DCLK1: variants seen among roughly 807,000 people sequenced by gnomAD.
DCLK1 encodes the protein doublecortin like kinase 1.
In DCLK1, 16 loss-of-function variants were observed where a neutral mutation model predicts 86.2. The observed-to-expected ratio is 0.19, with a 90% CI of 0.13 to 0.28. The LOEUF (loss-of-function observed/expected upper bound fraction) is 0.28, where lower values mean the gene tolerates loss of function less well. Ranked by LOEUF, DCLK1 falls within the 10% of genes least tolerant of loss-of-function variation. The pLI is 1.00. For synonymous variants in DCLK1, 369 were observed against 370.5 expected (o/e 1.00, Z 0.05); for missense variants, 590 against 940.2 (o/e 0.63, Z 4.87).
chr13:36,056,078 A>G (rs1444191121), intron 3 of DCLK1, among the ~76,000 whole-genome samples: 1 of 143,056 alleles, frequency 7.0e-6, no homozygotes, highest in Non-Finnish European at 1.5e-5. Flanking sequence ...GGGATCTAGA[A>G]CTAGAAATAC....
chr13:35,895,800 C>T (rs1047539794), intron 4 of DCLK1, among the ~76,000 whole-genome samples: 9 of 150,504 alleles, frequency 6.0e-5, no homozygotes, highest in African/African-American at 1.7e-4. Flanking sequence ...TGAGAGTAAA[C>T]GCTCTTTTAG....
chr13:35,849,418 AC>A (rs1870445638), intron 6 of DCLK1: 1 of 985,240 alleles, frequency 1.0e-6, no homozygotes, highest in African/African-American at 1.7e-5. Context: ...TTTATCACCT[AC>A]TGAGATATGT....
intron 13 of DCLK1, 127 bp from the exon 14 acceptor site, chr13:35,808,447 C>T (rs1035867500): frequency 8.3e-6 from 7 of 840,578 alleles, no homozygotes; most frequent in Middle Eastern, 2.3e-4. Context: ...TATTTTTAAT[C>T]GATTGAAAAA....
chr13:36,096,079 T>C (rs997841882), intron 3 of DCLK1, among the ~76,000 whole-genome samples: 1 of 152,220 alleles, frequency 6.6e-6, no homozygotes, highest in African/African-American at 2.4e-5. Context: ...TTTTTGTATG[T>C]AATTTTCTTT....
At chr13:35,861,073 T>C (rs750658880) in intron 5 of DCLK1, among the ~76,000 whole-genome samples, 6 of 152,130 alleles carry the variant, frequency 3.9e-5, no homozygotes, top group Non-Finnish European at 8.8e-5. Flanking sequence ...AGACTTTATT[T>C]GGCACACAAC....
Position 36,041,196 on chromosome 13 carries a change from A to C in DCLK1, c.723+70673T>G, listed in dbSNP as rs1882691692. Among the ~76,000 whole-genome samples, 3 of 152,172 alleles carry C rather than the reference A, an allele frequency of 2.0e-5. No homozygotes were observed. In the South Asian group the frequency reaches 6.2e-4, roughly 32 times the overall value. Reference sequence around the variant, plus strand: ...CTGAAAAATATTTCTATATGTAACCATCTGTGTCTATACTAAACTAAACCT... The same window carrying C: ...CTGAAAAATATTTCTATATGTAACCCTCTGTGTCTATACTAAACTAAACCT... On this transcript the variant is annotated intron_variant, in intron 3 of 16. Coordinates refer to ENST00000360631, the MANE Select transcript of DCLK1 (RefSeq NM_001330071.2).
intron 16 of DCLK1, among the ~76,000 whole-genome samples, chr13:35,782,751 A>G (rs1158338804): frequency 1.3e-5 from 2 of 152,234 alleles, no homozygotes; most frequent in African/African-American, 4.8e-5. Flanking sequence ...CATAGTTTTT[A>G]ACAAGCCCTA....
At chr13:36,105,690 A>G (rs1016263854) in intron 3 of DCLK1, among the ~76,000 whole-genome samples, 5 of 152,224 alleles carry the variant, frequency 3.3e-5, no homozygotes, top group African/African-American at 1.2e-4. Flanking sequence ...ATATACAGAA[A>G]TTTTAAACTT....
At chr13:35,941,399 T>C (rs2153131815) in intron 4 of DCLK1, among the ~76,000 whole-genome samples, 1 of 152,250 alleles carries the variant, frequency 6.6e-6, no homozygotes, top group South Asian at 2.1e-4. Flanking sequence ...ACCAAGCAGA[T>C]CTTGGGTACC....
chr13:35,861,030 A>C (rs77961528), intron 5 of DCLK1, among the ~76,000 whole-genome samples: 23,779 of 152,196 alleles, frequency 0.16, 1,871 homozygotes, highest in Non-Finnish European at 0.17. Flanking sequence ...ACATGAGTGG[A>C]AAGGAAGATG....
chr13:35,992,223 G>A (rs189131914), intron 3 of DCLK1, among the ~76,000 whole-genome samples: 3 of 152,230 alleles, frequency 2.0e-5, no homozygotes, highest in Non-Finnish European at 2.9e-5. Context: ...GTTTTGAAAC[G>A]CAAAGTAGTC....
chr13:36,003,019 G>T (rs1880787509), intron 3 of DCLK1, among the ~76,000 whole-genome samples: 1 of 152,262 alleles, frequency 6.6e-6, no homozygotes, highest in Non-Finnish European at 1.5e-5. Flanking sequence ...AGGGATCCCA[G>T]GCAGATCTAG....
At chr13:35,849,405 T>A (rs1870444459) in intron 6 of DCLK1, 2 of 985,354 alleles carry the variant, frequency 2.0e-6, no homozygotes, top group Non-Finnish European at 1.2e-6. Flanking sequence ...CAAACATTTT[T>A]AATTTATCAC....
At chr13:35,916,220 C>T (rs1252808768) in intron 4 of DCLK1, among the ~76,000 whole-genome samples, 2 of 152,156 alleles carry the variant, frequency 1.3e-5, no homozygotes, top group African/African-American at 4.8e-5. Context: ...CCATAAATAA[C>T]GTTTGCATTT....
At chr13:35,921,941 C>T (rs954308241) in intron 4 of DCLK1, among the ~76,000 whole-genome samples, 14 of 152,126 alleles carry the variant, frequency 9.2e-5, no homozygotes, top group African/African-American at 3.4e-4. Context: ...TTTGGAATTT[C>T]ATATGTTGGG....
At chr13:36,060,705 T>C (rs754497803) in intron 3 of DCLK1, among the ~76,000 whole-genome samples, 8 of 152,178 alleles carry the variant, frequency 5.3e-5, no homozygotes, top group Non-Finnish European at 1.2e-4. Context: ...AAAAGATGTC[T>C]GGTTAAAAAC....
chr13:35,793,283 G>T, intron 16 of DCLK1, 83 bp downstream of exon 16: 3 of 1,087,258 alleles, frequency 2.8e-6, no homozygotes, highest in South Asian at 1.6e-5. Context: ...TGCTGTCTCT[G>T]ACTGGAGAAT....
intron 3 of DCLK1, among the ~76,000 whole-genome samples, chr13:36,073,558 C>A (rs573337022): frequency 2.6e-5 from 4 of 151,984 alleles, no homozygotes; most frequent in Non-Finnish European, 5.9e-5. Flanking sequence ...ACAGATAAAA[C>A]AATGCCATGA....
intron 2 of DCLK1, among the ~76,000 whole-genome samples, chr13:36,119,523 T>C (rs1045694233): frequency 6.6e-6 from 1 of 152,180 alleles, no homozygotes; most frequent in African/African-American, 2.4e-5. Flanking sequence ...TTAGAGTGAA[T>C]ATACCTGACA....
Sources: allele counts gnomAD v4.1 joint callset (sites outside exome capture counted in the v4.1 genomes callset), GRCh38; gene constraint gnomAD v4.1.1; transcripts MANE v1.5; gene names NCBI Gene and HGNC (gene_info 2026-07-23, HGNC 2026-07-21).